Variants in SEC14L5 observed in about 807,000 individuals in gnomAD.
The protein encoded by SEC14L5 is SEC14-like protein 5.
SEC14L5 carries 96 observed loss-of-function variants against 84.6 expected under a neutral mutation model. That is an observed-to-expected ratio of 1.13 (90% CI 0.96 to 1.34). The LOEUF (loss-of-function observed/expected upper bound fraction) is 1.34. SEC14L5 is among the 40% of genes most tolerant of loss of function. The pLI is 0.00. For synonymous variants in SEC14L5, 546 were observed against 383.4 expected, an observed-to-expected ratio of 1.42 and a Z score of -4.95; for missense variants, 1,224 against 942.5, an observed-to-expected ratio of 1.30 and a Z score of -3.91.
chr16:5,009,810 A>T (rs1331608813), intron 14 of SEC14L5, among the ~76,000 whole-genome samples: 2 of 152,114 alleles, frequency 1.3e-5, no homozygotes, highest in East Asian at 3.9e-4. Flanking sequence ...TTCAGTATGG[A>T]CGAAGACCTT....
intron 15 of SEC14L5, among the ~76,000 whole-genome samples, chr16:5,013,042 G>T (rs1475905837): frequency 6.6e-6 from 1 of 152,146 alleles, no homozygotes; most frequent in African/African-American, 2.4e-5. Context: ...GAGAGAGAGA[G>T]CAGAGGAAGC....
At position 5,017,755 on chromosome 16, in the gene SEC14L5, C is replaced by T. The variant is rs1198991226; in HGVS notation, c.*2785C>T. ...GTGGCATCTGCTACGGCCGGCTCTCCTCCCATGTGGAGGTCTCGGGGACCC... is the reference window on the plus strand; with the variant it reads ...GTGGCATCTGCTACGGCCGGCTCTCTTCCCATGTGGAGGTCTCGGGGACCC... On this transcript the variant is annotated 3_prime_UTR_variant, in exon 16 of 16. Transcript: ENST00000251170. The T allele has an allele frequency of 2.6e-5, 4 of 152,218 alleles. No individual in the cohort carries two copies. Among genetic ancestry groups the T allele is most frequent in the African/African-American group, 9.6e-5 (4 of 41,456 alleles). The allele number at this position is 152,218 out of a possible 1,614,324, so 9.4% of individuals were successfully genotyped here. A position where few individuals can be genotyped will look rare whatever the true frequency, so the allele number is the denominator to read the frequency against.
chr16:4,963,785 A>T (rs1955159508), intron 2 of SEC14L5, among the ~76,000 whole-genome samples: 1 of 152,128 alleles, frequency 6.6e-6, no homozygotes, highest in Non-Finnish European at 1.5e-5. Context: ...TCCAGAGTAC[A>T]GCCTTAGCTG....
intron 15 of SEC14L5, among the ~76,000 whole-genome samples, chr16:5,012,508 A>G (rs112724815): frequency 0.011 from 1,662 of 152,356 alleles, 23 homozygotes; most frequent in East Asian, 0.036. Flanking sequence ...AGGGTCTGCC[A>G]TCATGAAGCA....
At chr16:4,973,036 G>C (rs567243164) in intron 2 of SEC14L5, among the ~76,000 whole-genome samples, 2 of 152,228 alleles carry the variant, frequency 1.3e-5, no homozygotes, top group South Asian at 4.1e-4. Flanking sequence ...TCAGGGGCTG[G>C]TGATGCTACT....
intron 2 of SEC14L5, among the ~76,000 whole-genome samples, chr16:4,979,124 C>A (rs932331600): frequency 6.6e-6 from 1 of 152,124 alleles, no homozygotes; most frequent in African/African-American, 2.4e-5. Context: ...GGGAGACAGA[C>A]ACATTTTCAA....
intron 2 of SEC14L5, among the ~76,000 whole-genome samples, chr16:4,987,107 G>A (rs191612173): frequency 6.6e-6 from 1 of 152,068 alleles, no homozygotes; most frequent in South Asian, 2.1e-4. Flanking sequence ...GATTTTAGGG[G>A]AAAGCACTCA....
chr16:4,959,020 AG>A (rs1245513998), intron 1 of SEC14L5, among the ~76,000 whole-genome samples: 1 of 108,252 alleles, frequency 9.2e-6, no homozygotes, highest in East Asian at 2.3e-4. Context: ...CTCAGTGTGA[AG>A]GGGTGGGGGT....
chr16:5,011,582 C>A (rs1321125310), intron 15 of SEC14L5, among the ~76,000 whole-genome samples: 1 of 152,116 alleles, frequency 6.6e-6, no homozygotes, highest in East Asian at 1.9e-4. Flanking sequence ...TGTGGGCTTC[C>A]CCTCACTCCT....
intron 15 of SEC14L5, among the ~76,000 whole-genome samples, chr16:5,012,369 G>A (rs1461347116): frequency 4.6e-5 from 7 of 152,160 alleles, no homozygotes; most frequent in Admixed American, 2.0e-4. Flanking sequence ...CCTGTCAAGG[G>A]TGGTCACCAT....
intron 11 of SEC14L5, 43 bp downstream of exon 11, chr16:5,003,616 T>TCCCCCCC: frequency 7.6e-6 from 1 of 130,938 alleles, no homozygotes. Flanking sequence ...TGGGGGTGGG[T>TCCCCCCC]GGGATGGGAG....
In SEC14L5 at chr16:5,006,125, G is replaced by A. The variant is rs1412672435; in HGVS notation, c.1437+77G>A. On this transcript the variant is annotated intron_variant, in intron 12 of 15. Coordinates refer to ENST00000251170, the MANE Select transcript of SEC14L5 (RefSeq NM_014692.2). ...TAGCTGGGAGGCTGGGATTCCCGGA[G>A]TGGGGCTGGGAGGTGGAGGGGGGCT... 3 of 1,499,212 alleles carry A rather than the reference G, an allele frequency of 2.0e-6. No homozygotes were observed. In the African/African-American group the frequency reaches 4.1e-5, roughly 21 times the overall value. The allele number at this position is 1,499,212 out of a possible 1,614,324, so 92.9% of individuals were successfully genotyped here.
At chr16:4,990,923 G>T (rs750750376) in intron 5 of SEC14L5, 28 bp downstream of exon 5, 1 of 1,533,320 alleles carries the variant, frequency 6.5e-7, no homozygotes, top group South Asian at 1.3e-5. Flanking sequence ...TTAGTTACTG[G>T]AGGAAGGTGC....
At chr16:4,993,166 C>A (rs1481191275) in intron 6 of SEC14L5, among the ~76,000 whole-genome samples, 3 of 152,124 alleles carry the variant, frequency 2.0e-5, no homozygotes, top group East Asian at 1.9e-4. Flanking sequence ...CCCCAGCTTC[C>A]TGAGTAGCTG....
intron 2 of SEC14L5, among the ~76,000 whole-genome samples, chr16:4,970,138 G>T (rs1021158850): frequency 6.6e-6 from 1 of 152,068 alleles, no homozygotes; most frequent in African/African-American, 2.4e-5. Flanking sequence ...TGTGGTTCCT[G>T]CCCTTATCGA....
intron 13 of SEC14L5, among the ~76,000 whole-genome samples, chr16:5,007,739 G>C (rs1422451210): frequency 1.3e-5 from 2 of 150,978 alleles, no homozygotes; most frequent in African/African-American, 4.9e-5. Context: ...CCGAGTAGCT[G>C]GGATTATAGA....
At chr16:4,996,051 AG>A (rs1474198897) in intron 6 of SEC14L5, among the ~76,000 whole-genome samples, 1 of 152,184 alleles carries the variant, frequency 6.6e-6, no homozygotes, top group Non-Finnish European at 1.5e-5. Context: ...AAGAATCCTT[AG>A]AACATCCCCA....
chr16:4,972,517 CA>C (rs1296792342), intron 2 of SEC14L5, among the ~76,000 whole-genome samples: 1 of 152,170 alleles, frequency 6.6e-6, no homozygotes, highest in Non-Finnish European at 1.5e-5. Context: ...TGCTATTAAC[CA>C]CTATTCTATT....
chr16:4,992,547 C>T lies in SEC14L5; in HGVS notation c.667+517C>T, dbSNP rs541747424. 3.9e-5 allele frequency among the ~76,000 whole-genome samples: 6 copies of T among 152,300 alleles called. No homozygotes were observed. The East Asian group carries it at 7.7e-4, about 20-fold the overall frequency. The stretch of plus-strand genomic sequence containing the variant: ...GATTACAGGCGTAAGCCGTTGCACC[C>T]GGCAAAAACTCATTTATTTCTAGAT... On this transcript the variant is annotated intron_variant, in intron 6 of 15. Coordinates refer to ENST00000251170, the MANE Select transcript of SEC14L5 (RefSeq NM_014692.2).
Sources: gnomAD v4.1 joint callset for allele counts (sites outside exome capture counted in the v4.1 genomes callset) on GRCh38, gnomAD v4.1.1 for gene constraint, MANE v1.5 for transcripts, NCBI Gene and HGNC (gene_info 2026-07-23, HGNC 2026-07-21) for gene names.